MBOAT1: variants seen among roughly 807,000 people sequenced by gnomAD.
MBOAT1 encodes membrane-bound glycerophospholipid O-acyltransferase 1.
In MBOAT1, 67 loss-of-function variants were observed where a neutral mutation model predicts 64.4. The observed-to-expected ratio is 1.04, with a 90% confidence interval of 0.85 to 1.27. The LOEUF (loss-of-function observed/expected upper bound fraction) is 1.27, where lower values mean the gene tolerates loss of function less well. MBOAT1 is among the 50% of genes most tolerant of loss of function. MBOAT1 has a pLI of 0.00. For missense variants in MBOAT1, 563 were observed against 604.6 expected (o/e 0.93, Z 0.72); for synonymous variants, 229 against 218.9 (o/e 1.05, Z -0.41).
chr6:20,145,901 T>G (rs1490595511), intron 3 of MBOAT1, among the ~76,000 whole-genome samples: 1 of 152,238 alleles, frequency 6.6e-6, no homozygotes, highest in African/African-American at 2.4e-5. Flanking sequence ...CCACATCTCC[T>G]GTTCCCCATC....
chr6:20,159,003 G>A (rs920926224), intron 1 of MBOAT1, among the ~76,000 whole-genome samples: 8 of 152,146 alleles, frequency 5.3e-5, no homozygotes, highest in African/African-American at 1.4e-4. Flanking sequence ...TATGGAAAAC[G>A]GTATGGAAGT....
intron 1 of MBOAT1, among the ~76,000 whole-genome samples, chr6:20,190,794 T>A (rs1762781085): frequency 6.6e-6 from 1 of 152,130 alleles, no homozygotes; most frequent in Non-Finnish European, 1.5e-5. Flanking sequence ...TAGGTAGGGA[T>A]ATCAGGCAGC....
chr6:20,103,381 T>C (rs1759856751), intron 12 of MBOAT1, among the ~76,000 whole-genome samples: 1 of 152,242 alleles, frequency 6.6e-6, no homozygotes, highest in Non-Finnish European at 1.5e-5. Flanking sequence ...AAAATGTTTG[T>C]ATACCTGTAC....
intron 3 of MBOAT1, among the ~76,000 whole-genome samples, chr6:20,148,290 G>A (rs1761384706): frequency 6.6e-6 from 1 of 152,136 alleles, no homozygotes; most frequent in South Asian, 2.1e-4. Flanking sequence ...GGTGGTAGGT[G>A]CCTGTAATCT....
At chr6:20,204,871 C>A (rs1489510237) in intron 1 of MBOAT1, among the ~76,000 whole-genome samples, 2 of 152,194 alleles carry the variant, frequency 1.3e-5, no homozygotes, top group African/African-American at 4.8e-5. Context: ...AAGCAAGTAA[C>A]ATAAGCCCTG....
At chr6:20,179,529 TACC>T (rs1214800776) in intron 1 of MBOAT1, among the ~76,000 whole-genome samples, 1 of 152,238 alleles carries the variant, frequency 6.6e-6, no homozygotes, top group African/African-American at 2.4e-5. Flanking sequence ...GGTGTATATG[TACC>T]ACATTTTCTT....
At chr6:20,122,743 A>T (rs1268819498) in intron 8 of MBOAT1, among the ~76,000 whole-genome samples, 1 of 152,312 alleles carries the variant, frequency 6.6e-6, no homozygotes, top group East Asian at 1.9e-4. Flanking sequence ...ATAGTGGCAC[A>T]GTATTGTGAA....
chr6:20,105,691 C>T (rs1759936334), intron 12 of MBOAT1, among the ~76,000 whole-genome samples: 1 of 152,154 alleles, frequency 6.6e-6, no homozygotes, highest in Non-Finnish European at 1.5e-5. Context: ...GTGGGAGGAT[C>T]ACCTGAACCA....
chr6:20,185,546 T>G (rs1018191298), intron 1 of MBOAT1, among the ~76,000 whole-genome samples: 1 of 152,206 alleles, frequency 6.6e-6, no homozygotes. Flanking sequence ...AAATCTTTCC[T>G]GGATCTCCAG....
intron 1 of MBOAT1, among the ~76,000 whole-genome samples, chr6:20,175,501 C>T (rs1217651178): frequency 6.6e-6 from 1 of 152,022 alleles, no homozygotes; most frequent in Non-Finnish European, 1.5e-5. Context: ...GGCTGGAGTG[C>T]AGTAGCACAA....
At chr6:20,182,153 T>C (rs1762528027) in intron 1 of MBOAT1, among the ~76,000 whole-genome samples, 2 of 152,230 alleles carry the variant, frequency 1.3e-5, no homozygotes, top group African/African-American at 4.8e-5. Flanking sequence ...CAGGCTGCTA[T>C]AACAAAATAC....
chr6:20,135,787 G>C (rs1269926810), intron 4 of MBOAT1, among the ~76,000 whole-genome samples: 1 of 152,138 alleles, frequency 6.6e-6, no homozygotes, highest in Non-Finnish European at 1.5e-5. Context: ...ATCTACTTGT[G>C]GTACTTGGAC....
intron 1 of MBOAT1, among the ~76,000 whole-genome samples, chr6:20,205,917 C>T (rs1763251736): frequency 6.6e-6 from 1 of 152,156 alleles, no homozygotes. Flanking sequence ...CCCTACCTGC[C>T]CAGACCCCTC....
chr6:20,168,646 GA>G (rs1762098249), intron 1 of MBOAT1, among the ~76,000 whole-genome samples: 1 of 129,150 alleles, frequency 7.7e-6, no homozygotes, highest in Non-Finnish European at 1.6e-5. Flanking sequence ...GAGAAGAGAG[GA>G]GAGGAGAGGG....
intron 1 of MBOAT1, among the ~76,000 whole-genome samples, chr6:20,181,149 G>A (rs975251782): frequency 6.6e-6 from 1 of 152,150 alleles, no homozygotes; most frequent in Admixed American, 6.5e-5. Flanking sequence ...GGCTGCAGTG[G>A]GGAGAGATGA....
At chr6:20,149,134 G>A (rs1761417232) in intron 3 of MBOAT1, among the ~76,000 whole-genome samples, 1 of 150,484 alleles carries the variant, frequency 6.6e-6, no homozygotes, top group African/African-American at 2.4e-5. Flanking sequence ...ACAAAAAAAG[G>A]AACATCTTGT....
chr6:20,175,699 T>C (rs886239573), intron 1 of MBOAT1, among the ~76,000 whole-genome samples: 1 of 151,754 alleles, frequency 6.6e-6, no homozygotes, highest in African/African-American at 2.4e-5. Context: ...CTCAAACTCC[T>C]GAGCTCAGGC....
At chr6:20,137,175 C>A (rs534408946) in intron 4 of MBOAT1, among the ~76,000 whole-genome samples, 39 of 152,252 alleles carry the variant, frequency 2.6e-4, no homozygotes, top group African/African-American at 9.2e-4. Flanking sequence ...GGTGAAACTG[C>A]CTTCCAGAAG....
At chr6:20,107,983 G>A (rs919957347) in intron 12 of MBOAT1, among the ~76,000 whole-genome samples, 3 of 152,092 alleles carry the variant, frequency 2.0e-5, no homozygotes, top group East Asian at 3.9e-4. Context: ...ATGGACAAAT[G>A]GGAATGAAAT....
Sources: gnomAD v4.1 joint callset for allele counts (sites outside exome capture counted in the v4.1 genomes callset) on GRCh38, gnomAD v4.1.1 for gene constraint, MANE v1.5 for transcripts, NCBI Gene and HGNC (gene_info 2026-07-23, HGNC 2026-07-21) for gene names.